Variants in NT5DC1 observed in about 807,000 individuals in gnomAD.
NT5DC1 encodes 5'-nucleotidase domain-containing protein 1.
A neutral mutation model predicts 59.4 loss-of-function variants in NT5DC1; 42 were observed. That is an observed-to-expected ratio of 0.71 (90% CI 0.55 to 0.92). NT5DC1 has a LOEUF of 0.92. Among genes scored for constraint, NT5DC1 ranks in the 40% least tolerant of loss-of-function variants. The probability of loss-of-function intolerance (pLI) is 0.00; values close to 1 mark genes in which losing one functional copy is unlikely to be tolerated. For missense variants in NT5DC1, 501 were observed against 537.1 expected, an observed-to-expected ratio of 0.93 and a Z score of 0.66; for synonymous variants, 172 against 188.1, an observed-to-expected ratio of 0.91 and a Z score of 0.70.
chr6:116,149,604 T>G (rs9488852), intron 6 of NT5DC1, among the ~76,000 whole-genome samples: 4,712 of 152,314 alleles, frequency 0.031, 206 homozygotes, highest in African/African-American at 0.098. Flanking sequence ...AAAGGGTATC[T>G]AGACTTTATT....
chr6:116,237,601 A>G (rs1305015258), intron 9 of NT5DC1: 1 of 445,596 alleles, frequency 2.2e-6, no homozygotes, highest in African/African-American at 2.0e-5. Context: ...GCTGATTCTC[A>G]TATCCCTTAA....
intron 6 of NT5DC1, among the ~76,000 whole-genome samples, chr6:116,197,570 A>C (rs1781261033): frequency 6.6e-6 from 1 of 152,072 alleles, no homozygotes; most frequent in South Asian, 2.1e-4. Flanking sequence ...TGCAGATAGA[A>C]GACAGTATAA....
intron 6 of NT5DC1, among the ~76,000 whole-genome samples, chr6:116,157,093 G>T (rs1414325552): frequency 6.6e-6 from 1 of 152,182 alleles, no homozygotes; most frequent in Non-Finnish European, 1.5e-5. Flanking sequence ...GTCTTGGGCT[G>T]CAATTACATG....
intron 6 of NT5DC1, among the ~76,000 whole-genome samples, chr6:116,140,269 C>G (rs112938061): frequency 2.5e-4 from 38 of 152,272 alleles, no homozygotes; most frequent in African/African-American, 9.1e-4. Context: ...CCCTTACAAA[C>G]TAGCTGAAAT....
At chr6:116,174,188 A>G (rs1780680833) in intron 6 of NT5DC1, among the ~76,000 whole-genome samples, 1 of 152,164 alleles carries the variant, frequency 6.6e-6, no homozygotes. Flanking sequence ...AGCATTTGCC[A>G]TGTTTCTCTA....
At chr6:116,151,603 G>A (rs923238936) in intron 6 of NT5DC1, among the ~76,000 whole-genome samples, 1 of 152,086 alleles carries the variant, frequency 6.6e-6, no homozygotes, top group Non-Finnish European at 1.5e-5. Context: ...GAGTTATCTC[G>A]AGAATGCAGT....
intron 6 of NT5DC1, among the ~76,000 whole-genome samples, chr6:116,211,892 A>AAC (rs1467660387): frequency 1.3e-5 from 2 of 151,996 alleles, no homozygotes; most frequent in African/African-American, 4.8e-5. Flanking sequence ...CTGATCCCCC[A>AAC]ACACACACAA....
intron 6 of NT5DC1, among the ~76,000 whole-genome samples, chr6:116,208,261 TCTC>T (rs762995154): frequency 6.6e-6 from 1 of 151,968 alleles, no homozygotes. Flanking sequence ...CCATTTTAGT[TCTC>T]CTAATTTTTT....
At chr6:116,176,265 C>T (rs868244703) in intron 6 of NT5DC1, among the ~76,000 whole-genome samples, 1 of 152,110 alleles carries the variant, frequency 6.6e-6, no homozygotes, top group Admixed American at 6.6e-5. Flanking sequence ...TTCAGCTGTC[C>T]CTGCATGCAT....
chr6:116,125,531 T>G, intron 6 of NT5DC1: 1 of 1,601,620 alleles, frequency 6.2e-7, no homozygotes, highest in Non-Finnish European at 8.6e-7. Flanking sequence ...AAGAATAACT[T>G]TATACAGCAT....
At chr6:116,121,581 G>C (rs767397888) in intron 6 of NT5DC1, 3 of 1,614,036 alleles carry the variant, frequency 1.9e-6, no homozygotes, top group Non-Finnish European at 2.5e-6. Flanking sequence ...GGGACTCCTG[G>C]TGCACCCTTT....
intron 3 of NT5DC1, 68 bp downstream of exon 3, chr6:116,108,503 T>A (rs902050865): frequency 2.3e-6 from 2 of 870,034 alleles, no homozygotes; most frequent in Non-Finnish European, 4.0e-6. Context: ...GAGTGGCATA[T>A]GACCCTTACA....
intron 6 of NT5DC1, chr6:116,121,377 C>CA (rs1268725580): frequency 6.2e-7 from 1 of 1,614,020 alleles, no homozygotes; most frequent in East Asian, 2.2e-5. Flanking sequence ...CCTGGTGGGC[C>CA]AATTGGTCCC....
At chr6:116,165,445 T>G (rs1562146867) in intron 6 of NT5DC1, among the ~76,000 whole-genome samples, 1 of 152,234 alleles carries the variant, frequency 6.6e-6, no homozygotes, top group Non-Finnish European at 1.5e-5. Context: ...TTGCTTACTT[T>G]TTCTTCTTCT....
intron 6 of NT5DC1, among the ~76,000 whole-genome samples, chr6:116,164,739 T>G (rs561112623): frequency 5.8e-4 from 89 of 152,274 alleles, no homozygotes; most frequent in African/African-American, 2.1e-3. Flanking sequence ...GCATTTTTGG[T>G]GTACTGGTCT....
At chr6:116,200,879 C>T (rs2114509267) in intron 6 of NT5DC1, among the ~76,000 whole-genome samples, 1 of 152,118 alleles carries the variant, frequency 6.6e-6, no homozygotes, top group Middle Eastern at 3.4e-3. Flanking sequence ...CACATATGCT[C>T]CCTTCTTCTT....
chr6:116,152,499 G>T (rs1246419874), intron 6 of NT5DC1, among the ~76,000 whole-genome samples: 2 of 152,114 alleles, frequency 1.3e-5, no homozygotes, highest in Non-Finnish European at 2.9e-5. Flanking sequence ...CCGTGCCAGA[G>T]AATGAGGCAC....
intron 6 of NT5DC1, among the ~76,000 whole-genome samples, chr6:116,197,086 C>T (rs1239612456): frequency 6.6e-6 from 1 of 151,824 alleles, no homozygotes; most frequent in South Asian, 2.1e-4. Flanking sequence ...TCACGGGAAG[C>T]AGGATCTCCT....
chr6:116,223,904 A>G (rs891512581), intron 8 of NT5DC1, among the ~76,000 whole-genome samples: 2 of 152,232 alleles, frequency 1.3e-5, no homozygotes, highest in Non-Finnish European at 2.9e-5. Flanking sequence ...ACATAAATGT[A>G]TAAAAGATTA....
Sources: gnomAD v4.1 joint callset for allele counts (sites outside exome capture counted in the v4.1 genomes callset) on GRCh38, gnomAD v4.1.1 for gene constraint, MANE v1.5 for transcripts, NCBI Gene and HGNC (gene_info 2026-07-23, HGNC 2026-07-21) for gene names.